The following ZGRF1 variants were observed in gnomAD, a reference collection of about 807,000 sequenced individuals.
ZGRF1 encodes zinc finger GRF-type containing 1.
ZGRF1 carries 196 observed loss-of-function variants against 203.5 expected under a neutral mutation model. That is an observed-to-expected ratio of 0.96 (90% confidence interval 0.86 to 1.08). The LOEUF (loss-of-function observed/expected upper bound fraction) is 1.08, where lower values mean the gene tolerates loss of function less well. Ranked by LOEUF, ZGRF1 falls within the 50% of genes least tolerant of loss-of-function variation. The pLI is 0.00. For synonymous variants in ZGRF1, 809 were observed against 841.3 expected (o/e 0.96, Z 0.66); for missense variants, 2,326 against 2,416.3 (o/e 0.96, Z 0.78).
intron 16 of ZGRF1, among the ~76,000 whole-genome samples, chr4:112,574,237 T>C (rs575046081): frequency 5.3e-5 from 8 of 152,106 alleles, no homozygotes; most frequent in African/African-American, 1.9e-4. Flanking sequence ...ATGAAAACAA[T>C]AAACTATAGC....
Position 112,539,486 on chromosome 4 carries a change from A to T in ZGRF1, c.*61T>A, listed in dbSNP as rs1483217020. The T allele has an allele frequency of 2.4e-6, 2 of 850,046 alleles. No homozygotes were observed. Among genetic ancestry groups the T allele is most frequent in the African/African-American group, 3.4e-5 (2 of 58,602 alleles). The allele number at this position is 850,046 out of a possible 1,614,324, so 52.7% of individuals were successfully genotyped here. On this transcript the variant is annotated 3_prime_UTR_variant, in exon 28 of 28. Transcript: ENST00000505019. Reference sequence around the variant, plus strand: ...GGTTTAGAGTAATAAAAATATAAAAAATATATCATGTAAAATGAGTCTGAA... The same window carrying T: ...GGTTTAGAGTAATAAAAATATAAAATATATATCATGTAAAATGAGTCTGAA...
intron 6 of ZGRF1, among the ~76,000 whole-genome samples, chr4:112,614,683 TGG>T (rs780978406): frequency 9.3e-4 from 141 of 152,270 alleles, no homozygotes; most frequent in Non-Finnish European, 1.3e-3. Context: ...AAAAATTAGT[TGG>T]GTGTGGTGGC....
intron 16 of ZGRF1, among the ~76,000 whole-genome samples, chr4:112,570,326 C>G (rs770221088): frequency 6.6e-6 from 1 of 152,144 alleles, no homozygotes; most frequent in Non-Finnish European, 1.5e-5. Context: ...TGGTGGCTCA[C>G]GCCTGTAATC....
At chr4:112,599,438 T>C (rs764364419) in intron 10 of ZGRF1, among the ~76,000 whole-genome samples, 25 of 151,706 alleles carry the variant, frequency 1.6e-4, no homozygotes, top group Non-Finnish European at 2.6e-4. Flanking sequence ...AGGAAGTACA[T>C]AGGCCAGCCA....
intron 6 of ZGRF1, among the ~76,000 whole-genome samples, chr4:112,612,940 G>A (rs1037892995): frequency 4.8e-5 from 5 of 103,732 alleles, no homozygotes; most frequent in African/African-American, 1.4e-4. Context: ...ATGAAGTACC[G>A]GACAACTGTT....
In ZGRF1 at chr4:112,619,066, G is replaced by T. The variant is rs1430429349; in HGVS notation, c.976C>A (p.Arg326=). ...QSENTMRNKS[R]WAMYLSSQSS... ...TGTGAGGATAAATACATGGCCCACCGGCTTTTATTTCTCATGGTATTTTCT... is the reference window on the plus strand; with the variant it reads ...TGTGAGGATAAATACATGGCCCACCTGCTTTTATTTCTCATGGTATTTTCT... The change falls in exon 6 of 28, where the codon CGG becomes AGG. Residue 326 remains arginine, a synonymous_variant. Transcript: ENST00000505019. 6.2e-7 allele frequency: 1 copy of T among 1,613,860 alleles called. No homozygotes were observed. Among genetic ancestry groups the T allele is most frequent in the Non-Finnish European group, 8.5e-7 (1 of 1,179,926 alleles).
chr4:112,543,716 G>A (rs544912953), intron 24 of ZGRF1, among the ~76,000 whole-genome samples: 117 of 152,338 alleles, frequency 7.7e-4, no homozygotes, highest in African/African-American at 2.7e-3. Context: ...TTTCTTTGAA[G>A]GGGAGAGAAC....
At chr4:112,547,838 C>T (rs1739115574) in intron 23 of ZGRF1, among the ~76,000 whole-genome samples, 1 of 152,110 alleles carries the variant, frequency 6.6e-6, no homozygotes, top group Non-Finnish European at 1.5e-5. Context: ...GGGGAAAAAT[C>T]AAAGTTTTAT....
chr4:112,551,446 C>A (rs978603095), intron 22 of ZGRF1, among the ~76,000 whole-genome samples: 2 of 152,066 alleles, frequency 1.3e-5, no homozygotes, highest in Non-Finnish European at 2.9e-5. Context: ...CTTTTTTCAA[C>A]AAACTAACAA....
intron 24 of ZGRF1, among the ~76,000 whole-genome samples, chr4:112,544,464 G>T (rs538395677): frequency 3.6e-4 from 55 of 152,262 alleles, no homozygotes; most frequent in African/African-American, 1.3e-3. Context: ...CGGTTCCTAA[G>T]AAGAATAACG....
At chr4:112,546,400 T>A (rs1484768404) in intron 24 of ZGRF1, among the ~76,000 whole-genome samples, 1 of 152,212 alleles carries the variant, frequency 6.6e-6, no homozygotes, top group Non-Finnish European at 1.5e-5. Flanking sequence ...AAATAGTTTC[T>A]GCTATATAAA....
At chr4:112,552,608 G>A (rs568502169) in intron 22 of ZGRF1, among the ~76,000 whole-genome samples, 64 of 152,318 alleles carry the variant, frequency 4.2e-4, no homozygotes, top group African/African-American at 1.5e-3. Flanking sequence ...TAAGAAGAGA[G>A]TATAGAGTTA....
rs1350926517 is a variant in ZGRF1 at position 112,618,437 on chromosome 4, G to C, written c.1605C>G (p.Asn535Lys). The change falls in exon 6 of 28, where the codon AAC becomes AAG. Residue 535 changes from asparagine (N) to lysine (K), a missense_variant. Transcript: ENST00000505019. ...CCTCAGTGTCACTGGTCTCAAAATT[G>C]TTCAGATTAAAAGTTACCTCCAAAA... ...QPFLEVTFNLNNFETSDTEEE... is the reference protein window; with the variant it reads ...QPFLEVTFNLKNFETSDTEEE... 6.2e-7 allele frequency: 1 copy of C among 1,613,694 alleles called. No individual in the cohort carries two copies. The highest frequency in any genetic ancestry group is 1.1e-5 in the South Asian group (1 of 91,070).
At chr4:112,559,783 C>A (rs888277109) in intron 19 of ZGRF1, among the ~76,000 whole-genome samples, 7 of 152,106 alleles carry the variant, frequency 4.6e-5, no homozygotes, top group African/African-American at 1.7e-4. Flanking sequence ...ATACAGCTAA[C>A]AAATGATACA....
intron 10 of ZGRF1, among the ~76,000 whole-genome samples, chr4:112,594,452 G>T (rs546977122): frequency 9.1e-4 from 127 of 139,670 alleles, no homozygotes; most frequent in Non-Finnish European, 1.6e-3. Flanking sequence ...TTTCGGTTTG[G>T]TTTTTTTTTT....
intron 13 of ZGRF1, among the ~76,000 whole-genome samples, chr4:112,586,146 T>G (rs1747144246): frequency 6.6e-6 from 1 of 151,232 alleles, no homozygotes; most frequent in African/African-American, 2.4e-5. Flanking sequence ...GAGGCTGAAG[T>G]GGGAGGATCA....
At position 112,563,721 on chromosome 4, in the gene ZGRF1, T is replaced by C. The variant is rs1352976495; in HGVS notation, c.4439-447A>G. ...GCCATAACAAAATATCTTAAATGAG[T>C]AATTTATTAAGATGATTAATATCTT... On this transcript the variant is annotated intron_variant, in intron 16 of 27. Coordinates refer to ENST00000505019, the MANE Select transcript of ZGRF1 (RefSeq NM_018392.5). 2.6e-5 allele frequency among the ~76,000 whole-genome samples: 4 copies of C among 152,192 alleles called. No individual in the cohort carries two copies. The South Asian group carries it at 6.2e-4, about 24-fold the overall frequency.
chr4:112,546,074 A>G (rs1466949527), intron 24 of ZGRF1, among the ~76,000 whole-genome samples: 1 of 150,024 alleles, frequency 6.7e-6, no homozygotes, highest in Non-Finnish European at 1.5e-5. Flanking sequence ...ACTTTAAAGT[A>G]ATAATAATAA....
intron 3 of ZGRF1, among the ~76,000 whole-genome samples, chr4:112,625,345 G>A (rs967117190): frequency 3.3e-5 from 5 of 151,898 alleles, no homozygotes; most frequent in African/African-American, 1.2e-4. Flanking sequence ...CCAGCACTTT[G>A]GGAGGCCGAG....
Sources: gnomAD v4.1 joint callset for allele counts (sites outside exome capture counted in the v4.1 genomes callset) on GRCh38, gnomAD v4.1.1 for gene constraint, MANE v1.5 for transcripts, NCBI Gene and HGNC (gene_info 2026-07-23, HGNC 2026-07-21) for gene names.